Variants in KDM4A observed in about 807,000 individuals in gnomAD.
KDM4A encodes the protein lysine-specific demethylase 4A.
KDM4A carries 23 observed loss-of-function variants against 127.1 expected under a neutral mutation model. That is an observed-to-expected ratio of 0.18 (90% CI 0.13 to 0.26). The LOEUF (loss-of-function observed/expected upper bound fraction) is 0.26. KDM4A is among the 10% of genes least tolerant of loss of function. The pLI, the probability that KDM4A is intolerant of heterozygous loss-of-function variation, is 1.00. For synonymous variants in KDM4A, 443 were observed against 466.5 expected, an observed-to-expected ratio of 0.95 and a Z score of 0.65; for missense variants, 890 against 1,329.1, an observed-to-expected ratio of 0.67 and a Z score of 5.14.
At chr1:43,699,663 T>C (rs1661334654) in intron 19 of KDM4A, 1 of 152,122 alleles carries the variant, frequency 6.6e-6, no homozygotes. Flanking sequence ...AAAAATAACT[T>C]TTCTAAAACA....
intron 2 of KDM4A, among the ~76,000 whole-genome samples, chr1:43,654,969 GC>G (rs1256883520): frequency 6.6e-6 from 1 of 151,812 alleles, no homozygotes; most frequent in Admixed American, 6.6e-5. Context: ...TCCTGCATCA[GC>G]CCCCCAAATA....
intron 9 of KDM4A, among the ~76,000 whole-genome samples, chr1:43,668,521 G>A (rs574784184): frequency 6.6e-6 from 1 of 152,324 alleles, no homozygotes; most frequent in South Asian, 2.1e-4. Flanking sequence ...GGCACTTTCT[G>A]AATGAGAGAC....
chr1:43,696,785 G>A (rs1021058401), intron 18 of KDM4A, among the ~76,000 whole-genome samples: 10 of 152,348 alleles, frequency 6.6e-5, no homozygotes, highest in Non-Finnish European at 1.0e-4. Flanking sequence ...GACTGCTGGT[G>A]CTATGAGGAA....
intron 6 of KDM4A, among the ~76,000 whole-genome samples, chr1:43,666,070 G>A (rs1660496123): frequency 6.6e-6 from 1 of 152,156 alleles, no homozygotes; most frequent in Non-Finnish European, 1.5e-5. Context: ...CTTTTAAGTG[G>A]ACTTAGATTT....
At chr1:43,679,264 T>A (rs1371644625) in intron 11 of KDM4A, among the ~76,000 whole-genome samples, 2 of 152,204 alleles carry the variant, frequency 1.3e-5, no homozygotes, top group Non-Finnish European at 2.9e-5. Context: ...TCCTCATTTC[T>A]TGAGTTACCA....
At chr1:43,685,761 G>C (rs564399852) in intron 12 of KDM4A, among the ~76,000 whole-genome samples, 5 of 99,086 alleles carry the variant, frequency 5.0e-5, no homozygotes, top group Non-Finnish European at 2.4e-5. Flanking sequence ...GCGAGTCTCT[G>C]TCTCAACAAC....
rs1184540818 is a variant in KDM4A, at chr1:43,671,854, C to A, written c.1713C>A (p.Phe571Leu). 6.3e-7 allele frequency: 1 copy of A among 1,575,130 alleles called. No homozygotes were observed. The highest frequency in any genetic ancestry group is 1.2e-5 in the South Asian group (1 of 85,726). Residue 571 changes from phenylalanine to leucine, a missense_variant, in exon 11 of 22, where the codon TTC becomes TTA. Physicochemically the swap from Phe to Leu is conservative, Grantham distance 22 (BLOSUM62 0). Around this residue, in one of 7 missense-constraint regions of KDM4A, gnomAD observed 389 missense variants for 485.9 expected, o/e 0.80. Coordinates refer to ENST00000372396, the MANE Select transcript of KDM4A (RefSeq NM_014663.3). ...TRKKGSAARS[F>L]SERELAEVAD... is the part of the protein sequence containing the mutation. Reference sequence around the variant, plus strand: ...AGAAAGGAAGCGCCGCTAGAAGTTTCAGTGAGCGGGAGCTGGCAGAGGTAT... The same window carrying A: ...AGAAAGGAAGCGCCGCTAGAAGTTTAAGTGAGCGGGAGCTGGCAGAGGTAT...
chr1:43,703,905 T>C (rs2154049741), intron 20 of KDM4A, 115 bp from the exon 21 acceptor site: 1 of 1,298,426 alleles, frequency 7.7e-7, no homozygotes, highest in South Asian at 1.3e-5. Flanking sequence ...GTAAGGTAGT[T>C]GTTATTTTAG....
intron 15 of KDM4A, 112 bp downstream of exon 15, chr1:43,691,684 C>T (rs1009139079): frequency 3.7e-5 from 33 of 889,802 alleles, no homozygotes; most frequent in African/African-American, 2.0e-4. Flanking sequence ...GGGTCTGGTA[C>T]GCGGTGATGT....
At chr1:43,653,364 A>G (rs1489463794) in intron 2 of KDM4A, 51 bp downstream of exon 2, 2 of 1,512,694 alleles carry the variant, frequency 1.3e-6, no homozygotes, top group South Asian at 1.3e-5. Flanking sequence ...GCAGAGCAGT[A>G]AGATTTTTTT....
intron 8 of KDM4A, 124 bp from the exon 9 acceptor site, chr1:43,667,648 C>G: frequency 7.6e-7 from 1 of 1,321,804 alleles, no homozygotes; most frequent in South Asian, 1.3e-5. Context: ...GCCTGTGAAC[C>G]AAAACAATCT....
At position 43,703,720 on chromosome 1, in the gene KDM4A, C is replaced by T; in HGVS notation, c.2945C>T (p.Pro982Leu). 1 of 1,614,082 alleles carries T rather than the reference C, an allele frequency of 6.2e-7. No homozygotes were observed. Among genetic ancestry groups the T allele is most frequent in the South Asian group, 1.1e-5 (1 of 91,062 alleles). ...VYGAKFVASH[P>L]IQMYQVEFED... The stretch of plus-strand genomic sequence containing the variant: ...GGAGCCAAGTTTGTGGCCTCCCACC[C>T]TATCCAAATGTACCAGGTATCCAAA... Residue 982 changes from proline (P) to leucine (L), a missense_variant, in exon 20 of 22, where the codon CCT becomes CTT. Transcript: ENST00000372396.
At chr1:43,655,805 G>T (rs769779232) in intron 3 of KDM4A, 39 bp downstream of exon 3, 1 of 1,544,242 alleles carries the variant, frequency 6.5e-7, no homozygotes, top group South Asian at 1.2e-5. Context: ...TAGCACCTAG[G>T]ACCCTGGTGT....
intron 19 of KDM4A, among the ~76,000 whole-genome samples, chr1:43,700,787 C>G (rs367750410): frequency 2.0e-5 from 3 of 152,138 alleles, no homozygotes; most frequent in Non-Finnish European, 2.9e-5. Context: ...ACTGTTAACA[C>G]TAAAACCCAT....
At position 43,669,238 on chromosome 1, in the gene KDM4A, C is replaced by G. The variant is rs185788087; in HGVS notation, c.1302C>G (p.Leu434=). The change falls in exon 10 of 22, where the codon CTC becomes CTG. Residue 434 remains leucine, a synonymous_variant. Coordinates refer to ENST00000372396, the MANE Select transcript of KDM4A (RefSeq NM_014663.3). ...AGATGACGGAGTGCCCGGCAGCCCT[C>G]GCCCCTGTGAGGCCCACCCATAGCT... ...QYEMTECPAA[L]APVRPTHSSV... The G allele has an allele frequency of 6.2e-7, 1 of 1,614,180 alleles. No homozygotes were observed. The highest frequency in any genetic ancestry group is 8.5e-7 in the Non-Finnish European group (1 of 1,180,040).
intron 3 of KDM4A, among the ~76,000 whole-genome samples, chr1:43,658,071 C>CTTT (rs371218115): frequency 6.8e-5 from 9 of 132,606 alleles, no homozygotes; most frequent in Admixed American, 2.4e-4. Flanking sequence ...AAAAACATAA[C>CTTT]TTTTTTTTTT....
At chr1:43,691,079 TG>T in intron 14 of KDM4A, 30 bp downstream of exon 14, 1 of 1,610,164 alleles carries the variant, frequency 6.2e-7, no homozygotes, top group African/African-American at 1.3e-5. Context: ...CTCTGTGTCC[TG>T]TCCCAGGAGT....
At chr1:43,652,506 G>C (rs1386789746) in intron 1 of KDM4A, among the ~76,000 whole-genome samples, 1 of 151,470 alleles carries the variant, frequency 6.6e-6, no homozygotes, top group African/African-American at 2.4e-5. Flanking sequence ...ATAACTTTTT[G>C]TTGTTTATTT....
Position 43,688,816 on chromosome 1 carries a change from C to A in KDM4A, c.1856-98C>A. 1 of 1,134,646 alleles carries A rather than the reference C, an allele frequency of 8.8e-7. No homozygotes were observed. Among genetic ancestry groups the A allele is most frequent in the Non-Finnish European group, 1.3e-6 (1 of 790,084 alleles). 70.3% of individuals were successfully genotyped at this position (1,134,646 alleles called of 1,614,324 possible). A position where few individuals can be genotyped will look rare whatever the true frequency, so the allele number is the denominator to read the frequency against. On this transcript the variant is annotated intron_variant, in intron 12 of 21. Coordinates refer to ENST00000372396, the MANE Select transcript of KDM4A (RefSeq NM_014663.3). This position sits in a 1 kb window ranked among gnomAD's most constrained non-coding sequence, Gnocchi z 4.4. The stretch of plus-strand genomic sequence containing the variant: ...ATTCAGGAGTCACCCTTGGTCCAAA[C>A]CTAGGATCAGGAGTCCTAGTGGAAC...
Sources: allele counts gnomAD v4.1 joint callset (sites outside exome capture counted in the v4.1 genomes callset), GRCh38; gene constraint gnomAD v4.1.1; regional missense constraint gnomAD v4.1.1; non-coding constraint Gnocchi (gnomAD v3.1); transcripts MANE v1.5; gene names NCBI Gene and HGNC (gene_info 2026-07-23, HGNC 2026-07-21).